CREB5: variants seen among roughly 807,000 people sequenced by gnomAD.
The protein encoded by CREB5 is cyclic AMP-responsive element-binding protein 5.
In CREB5, 19 loss-of-function variants were observed where a neutral mutation model predicts 57.1. The observed-to-expected ratio is 0.33, with a 90% CI of 0.23 to 0.49. The LOEUF (loss-of-function observed/expected upper bound fraction) is 0.49. CREB5 is among the 20% of genes least tolerant of loss of function. The probability of loss-of-function intolerance (pLI) is 0.99; values close to 1 mark genes in which losing one functional copy is unlikely to be tolerated. For missense variants in CREB5, 579 were observed against 671.6 expected (o/e 0.86, Z 1.52); for synonymous variants, 238 against 238.3 (o/e 1.00, Z 0.01).
intron 5 of CREB5, among the ~76,000 whole-genome samples, chr7:28,718,117 T>C (rs1317198341): frequency 6.6e-6 from 1 of 152,228 alleles, no homozygotes; most frequent in Non-Finnish European, 1.5e-5. Context: ...CCTCGCGTTA[T>C]TATGAAATGA....
At chr7:28,300,062 ATTTATTTAT>A (rs1192189190) in intron 1 of CREB5, among the ~76,000 whole-genome samples, 1 of 40,148 alleles carries the variant, frequency 2.5e-5, no homozygotes, top group Non-Finnish European at 6.9e-5. Context: ...TTATTTATTT[ATTTATTTAT>A]TTATTTATTT....
chr7:28,317,573 G>A (rs1261294288), intron 1 of CREB5, among the ~76,000 whole-genome samples: 1 of 152,198 alleles, frequency 6.6e-6, no homozygotes, highest in Non-Finnish European at 1.5e-5. Flanking sequence ...TCAGACAGAC[G>A]TGGCTTAAAG....
At chr7:28,681,664 C>CA (rs2128724524) in intron 5 of CREB5, among the ~76,000 whole-genome samples, 1 of 152,332 alleles carries the variant, frequency 6.6e-6, no homozygotes, top group Non-Finnish European at 1.5e-5. Flanking sequence ...AGATCCTCTC[C>CA]ATAGCTGGCT....
At chr7:28,666,402 A>C (rs1446471338) in intron 5 of CREB5, among the ~76,000 whole-genome samples, 1 of 152,174 alleles carries the variant, frequency 6.6e-6, no homozygotes, top group African/African-American at 2.4e-5. Flanking sequence ...GAAACCCTGG[A>C]GGTGTCAGTG....
At chr7:28,560,825 C>CGTGCGTGTGTGTGCGTGCGTGTGTGT (rs1562797019) in intron 4 of CREB5, among the ~76,000 whole-genome samples, 1 of 37,566 alleles carries the variant, frequency 2.7e-5, no homozygotes, top group African/African-American at 7.2e-5. Context: ...TGTGTGTGCG[C>CGTGCGTGTGTGTGCGTGCGTGTGTGT]GCGCGCGCGT....
chr7:28,702,850 G>A (rs1237052136), intron 5 of CREB5, among the ~76,000 whole-genome samples: 2 of 152,160 alleles, frequency 1.3e-5, no homozygotes, highest in Non-Finnish European at 2.9e-5. Flanking sequence ...GAGACCTAAA[G>A]GATGAATGAG....
chr7:28,682,485 A>C (rs949264226), intron 5 of CREB5, among the ~76,000 whole-genome samples: 1 of 152,242 alleles, frequency 6.6e-6, no homozygotes, highest in African/African-American at 2.4e-5. Context: ...AAGAGATGCC[A>C]CTTTTTTCTG....
chr7:28,608,799 C>T (rs1797277287), intron 5 of CREB5, among the ~76,000 whole-genome samples: 1 of 152,198 alleles, frequency 6.6e-6, no homozygotes, highest in African/African-American at 2.4e-5. Flanking sequence ...CCAATAAAGG[C>T]TAATGATAGG....
At chr7:28,454,668 A>T (rs575470105) in intron 1 of CREB5, among the ~76,000 whole-genome samples, 1 of 152,316 alleles carries the variant, frequency 6.6e-6, no homozygotes, top group South Asian at 2.1e-4. Context: ...GTGAACGCAG[A>T]TATTGGAGCT....
intron 1 of CREB5, among the ~76,000 whole-genome samples, chr7:28,309,946 A>G (rs1785246968): frequency 6.7e-6 from 1 of 148,240 alleles, no homozygotes; most frequent in African/African-American, 2.5e-5. Context: ...AGTGAGGCTC[A>G]AAACAAGGGC....
chr7:28,631,165 A>G (rs533049004), intron 5 of CREB5, among the ~76,000 whole-genome samples: 1 of 152,298 alleles, frequency 6.6e-6, no homozygotes, highest in South Asian at 2.1e-4. Flanking sequence ...CTTCTCTGTG[A>G]CAAAGATTTC....
At chr7:28,816,389 G>A (rs73079990) in intron 9 of CREB5, among the ~76,000 whole-genome samples, 7,015 of 152,162 alleles carry the variant, frequency 0.046, 235 homozygotes, top group Middle Eastern at 0.082. Flanking sequence ...GAGTTGGGAG[G>A]TACAATTTGC....
At chr7:28,550,146 C>T (rs1794571045) in intron 4 of CREB5, among the ~76,000 whole-genome samples, 1 of 151,974 alleles carries the variant, frequency 6.6e-6, no homozygotes, top group Non-Finnish European at 1.5e-5. Flanking sequence ...TTCCTCTCTT[C>T]CTCCTCCTCT....
At chr7:28,612,441 T>C (rs1185535177) in intron 5 of CREB5, among the ~76,000 whole-genome samples, 1 of 152,104 alleles carries the variant, frequency 6.6e-6, no homozygotes, top group Non-Finnish European at 1.5e-5. Flanking sequence ...TAAAAAAATG[T>C]ATGCTGTGCT....
chr7:28,668,802 T>C (rs1799924360), intron 5 of CREB5, among the ~76,000 whole-genome samples: 1 of 152,196 alleles, frequency 6.6e-6, no homozygotes, highest in South Asian at 2.1e-4. Flanking sequence ...GCCATGGCAT[T>C]CAGTTTTACC....
intron 3 of CREB5, 122 bp from the exon 4 acceptor site, chr7:28,507,494 A>G (rs1487030279): frequency 1.7e-5 from 20 of 1,161,604 alleles, no homozygotes; most frequent in Non-Finnish European, 2.4e-5. Flanking sequence ...GGGCCAAGAG[A>G]CTGGATGGCT....
intron 1 of CREB5, among the ~76,000 whole-genome samples, chr7:28,324,085 C>T (rs1422905171): frequency 6.6e-6 from 1 of 152,082 alleles, no homozygotes; most frequent in African/African-American, 2.4e-5. Flanking sequence ...TGGTCACTCG[C>T]CCACCGCTCA....
At chr7:28,377,755 C>CCGT (rs1265625748) in intron 1 of CREB5, among the ~76,000 whole-genome samples, 1 of 151,318 alleles carries the variant, frequency 6.6e-6, no homozygotes, top group Non-Finnish European at 1.5e-5. Flanking sequence ...GGTGAAACCC[C>CCGT]CGTCTCTACT....
At chr7:28,514,250 A>G (rs1792835831) in intron 4 of CREB5, among the ~76,000 whole-genome samples, 1 of 152,196 alleles carries the variant, frequency 6.6e-6, no homozygotes, top group Non-Finnish European at 1.5e-5. Flanking sequence ...CTCTGTCTTC[A>G]ACCAGTGTTA....
Sources: allele counts gnomAD v4.1 joint callset (sites outside exome capture counted in the v4.1 genomes callset), GRCh38; gene constraint gnomAD v4.1.1; transcripts MANE v1.5; gene names NCBI Gene and HGNC (gene_info 2026-07-23, HGNC 2026-07-21).